Variants in UMAD1 observed in about 807,000 individuals in gnomAD.
The protein encoded by UMAD1 is UBAP1-MVB12-associated (UMA) domain containing 1.
Under a neutral mutation model 6.1 loss-of-function variants are expected in UMAD1, and 8 were observed. That is an observed-to-expected ratio of 1.30 (90% CI 0.76 to 2.35). The LOEUF (loss-of-function observed/expected upper bound fraction) is 2.35. UMAD1 is among the 30% of genes most tolerant of loss of function. UMAD1 has a pLI of 0.00. For synonymous variants in UMAD1, 56 were observed against 31.4 expected (o/e 1.78, Z -2.61); for missense variants, 130 against 78.4 (o/e 1.66, Z -2.49).
chr7:7,860,810 T>A lies in UMAD1; in HGVS notation c.157-16471T>A, dbSNP rs569410535. Among the ~76,000 whole-genome samples, 5 of 149,886 alleles carry A rather than the reference T, an allele frequency of 3.3e-5. No individual in the cohort carries two copies. In the South Asian group the frequency reaches 1.1e-3, roughly 32 times the overall value. On this transcript the variant is annotated intron_variant, in intron 3 of 3. Transcript: ENST00000682710. The stretch of plus-strand genomic sequence containing the variant: ...AAAATAACAAAAAAAATAATAATAA[T>A]AATAATTGTCCTACATTAGACAAAA...
At chr7:7,666,308 A>G (rs758967111) in intron 1 of UMAD1, among the ~76,000 whole-genome samples, 5 of 151,808 alleles carry the variant, frequency 3.3e-5, no homozygotes, top group Non-Finnish European at 7.4e-5. Flanking sequence ...GTCTCAAGCA[A>G]TCCTCCCATT....
chr7:7,822,257 A>G (rs1196364876), intron 3 of UMAD1, among the ~76,000 whole-genome samples: 1 of 152,150 alleles, frequency 6.6e-6, no homozygotes, highest in East Asian at 1.9e-4. Context: ...TATGAAAAAG[A>G]GAGAGGCAGT....
rs569927055 is a variant in UMAD1 at position 7,796,925 on chromosome 7, C to T, written c.83-4745C>T. On this transcript the variant is annotated intron_variant, in intron 2 of 3. Coordinates refer to ENST00000682710, the MANE Select transcript of UMAD1 (RefSeq NM_001302348.2). ...GATTTGAGCTTTCTTCATGTCTCCT[C>T]ATTTGGTGGCCCTAAGATTAAAGTT... is the stretch of plus-strand genomic sequence containing the variant. Among the ~76,000 whole-genome samples the T allele has an allele frequency of 1.1e-4, 17 of 152,322 alleles. 2 individuals are homozygous for T. The South Asian group carries it at 3.5e-3, about 32-fold the overall frequency.
chr7:7,866,914 C>A (rs1323149104), intron 3 of UMAD1, among the ~76,000 whole-genome samples: 1 of 151,914 alleles, frequency 6.6e-6, no homozygotes, highest in African/African-American at 2.4e-5. Flanking sequence ...ACCTTAGTAT[C>A]CTGAATGAAG....
chr7:7,845,196 T>C (rs1379426287), intron 3 of UMAD1, among the ~76,000 whole-genome samples: 1 of 152,074 alleles, frequency 6.6e-6, no homozygotes, highest in Non-Finnish European at 1.5e-5. Context: ...TTATACCAAT[T>C]ATGTTTTGGA....
chr7:7,853,353 T>G (rs969883553), intron 3 of UMAD1, among the ~76,000 whole-genome samples: 2 of 152,186 alleles, frequency 1.3e-5, no homozygotes, highest in African/African-American at 4.8e-5. Flanking sequence ...TACAATGAAA[T>G]CAGTTGGGAT....
intron 2 of UMAD1, among the ~76,000 whole-genome samples, chr7:7,726,745 C>A (rs1390418274): frequency 2.6e-5 from 4 of 152,200 alleles, no homozygotes; most frequent in African/African-American, 9.7e-5. Flanking sequence ...GGAGACACAA[C>A]AACGATTCCA....
At chr7:7,837,011 A>C (rs1323087591) in intron 3 of UMAD1, among the ~76,000 whole-genome samples, 2 of 151,976 alleles carry the variant, frequency 1.3e-5, no homozygotes, top group Non-Finnish European at 2.9e-5. Context: ...AAAGAAGAAT[A>C]AATGAAAGAA....
intron 3 of UMAD1, among the ~76,000 whole-genome samples, chr7:7,870,291 T>C (rs564369898): frequency 1.3e-5 from 2 of 152,250 alleles, no homozygotes; most frequent in South Asian, 4.1e-4. Flanking sequence ...GCTAATAATT[T>C]GAAAAAGAAG....
intron 1 of UMAD1, among the ~76,000 whole-genome samples, chr7:7,670,664 C>T (rs1779583882): frequency 6.6e-6 from 1 of 152,174 alleles, no homozygotes. Context: ...AGAGTCTGTT[C>T]ATCATGTTCA....
chr7:7,786,845 G>A (rs555632287), intron 2 of UMAD1, among the ~76,000 whole-genome samples: 3 of 152,252 alleles, frequency 2.0e-5, no homozygotes, highest in South Asian at 4.1e-4. Context: ...CTTTAAGTCC[G>A]GATGTGGTTA....
chr7:7,850,631 T>C (rs1179784201), intron 3 of UMAD1, among the ~76,000 whole-genome samples: 1 of 152,138 alleles, frequency 6.6e-6, no homozygotes, highest in African/African-American at 2.4e-5. Flanking sequence ...TTCTGGTATA[T>C]AATCAGTCAA....
rs1780487440 is a variant in UMAD1, at chr7:7,702,571, G to C, written c.82+29118G>C. 2.6e-5 allele frequency among the ~76,000 whole-genome samples: 4 copies of C among 152,138 alleles called. No individual in the cohort carries two copies. The South Asian group carries it at 8.3e-4, about 32-fold the overall frequency. ...TCATGTCATTTTCTGTACTTTTCCT[G>C]ATACTTTTAAACATTGTTTTATTTT... is the stretch of plus-strand genomic sequence containing the variant. On this transcript the variant is annotated intron_variant, in intron 2 of 3. Coordinates refer to ENST00000682710, the MANE Select transcript of UMAD1 (RefSeq NM_001302348.2).
intron 2 of UMAD1, among the ~76,000 whole-genome samples, chr7:7,737,126 A>G (rs1781375079): frequency 6.6e-6 from 1 of 152,250 alleles, no homozygotes; most frequent in South Asian, 2.1e-4. Context: ...AGTTAAGCTT[A>G]CAAATTATAT....
chr7:7,835,004 C>G (rs1783539220), intron 3 of UMAD1, among the ~76,000 whole-genome samples: 2 of 152,300 alleles, frequency 1.3e-5, no homozygotes, highest in Admixed American at 6.5e-5. Flanking sequence ...TGAGAACTCA[C>G]TATCACAAGA....
chr7:7,857,225 C>A (rs1784034689), intron 3 of UMAD1, among the ~76,000 whole-genome samples: 1 of 152,200 alleles, frequency 6.6e-6, no homozygotes, highest in Non-Finnish European at 1.5e-5. Context: ...TTCCCCTTTT[C>A]TTCCACAGTT....
intron 2 of UMAD1, among the ~76,000 whole-genome samples, chr7:7,691,156 A>T (rs1356921150): frequency 6.6e-6 from 1 of 152,212 alleles, no homozygotes; most frequent in African/African-American, 2.4e-5. Flanking sequence ...AAAAAAGCTG[A>T]TGGAATTTTA....
intron 2 of UMAD1, among the ~76,000 whole-genome samples, chr7:7,728,802 G>T (rs1459136630): frequency 2.0e-5 from 3 of 152,164 alleles, no homozygotes; most frequent in Non-Finnish European, 4.4e-5. Context: ...CTTCTCATTT[G>T]TGGTGTATCC....
chr7:7,827,139 A>ATGTGTGTGTGTG (rs1262642122), intron 3 of UMAD1, among the ~76,000 whole-genome samples: 8 of 134,040 alleles, frequency 6.0e-5, no homozygotes, highest in Admixed American at 1.5e-4. Flanking sequence ...ATATATATAT[A>ATGTGTGTGTGTG]TATATATATG....
Sources: allele counts gnomAD v4.1 joint callset (sites outside exome capture counted in the v4.1 genomes callset), GRCh38; gene constraint gnomAD v4.1.1; transcripts MANE v1.5; gene names NCBI Gene and HGNC (gene_info 2026-07-23, HGNC 2026-07-21).